The following AGPS variants were observed in gnomAD, a reference collection of about 807,000 sequenced individuals.
The protein encoded by AGPS is alkylglycerone phosphate synthase, also known as alkyldihydroxyacetonephosphate synthase, peroxisomal.
Under a neutral mutation model 90.7 loss-of-function variants are expected in AGPS, and 26 were observed. The observed-to-expected ratio is 0.29, with a 90% CI of 0.21 to 0.40. The LOEUF (loss-of-function observed/expected upper bound fraction) is 0.40. AGPS is among the 10% of genes least tolerant of loss of function. The pLI is 1.00. For missense variants in AGPS, 540 were observed against 816.1 expected (o/e 0.66, Z 4.12); for synonymous variants, 294 against 285.3 (o/e 1.03, Z -0.31).
intron 3 of AGPS, among the ~76,000 whole-genome samples, 182 bp downstream of exon 3, chr2:177,434,599 A>G (rs999525585): frequency 1.3e-5 from 2 of 152,224 alleles, no homozygotes; most frequent in Non-Finnish European, 2.9e-5. Flanking sequence ...TGTCACAGAT[A>G]TAGACCTTAG....
chr2:177,424,300 T>G (rs887526405), intron 2 of AGPS, among the ~76,000 whole-genome samples: 5 of 152,238 alleles, frequency 3.3e-5, no homozygotes, highest in Non-Finnish European at 7.3e-5. Context: ...TTGTGTTCCT[T>G]TCTATGGCTG....
rs572104215 is a variant in AGPS at position 177,514,477 on chromosome 2, T to G, written c.1697+569T>G. 2.6e-5 allele frequency among the ~76,000 whole-genome samples: 4 copies of G among 152,300 alleles called. No individual in the cohort carries two copies. The East Asian group carries it at 7.7e-4, about 29-fold the overall frequency. On this transcript the variant is annotated intron_variant, in intron 17 of 19. Coordinates refer to ENST00000264167, the MANE Select transcript of AGPS (RefSeq NM_003659.4). ...GGTAGATAATCCATACTAGTATTAGTAAGGAAAATTTGTATATTTCCCTTT... is the reference window on the plus strand; with the variant it reads ...GGTAGATAATCCATACTAGTATTAGGAAGGAAAATTTGTATATTTCCCTTT...
chr2:177,394,925 A>T (rs1240478705), intron 1 of AGPS, among the ~76,000 whole-genome samples: 1 of 152,168 alleles, frequency 6.6e-6, no homozygotes, highest in Non-Finnish European at 1.5e-5. Context: ...TGGGATTCTG[A>T]ACTAAGGCAT....
At chr2:177,415,033 A>G (rs1359907356) in intron 1 of AGPS, among the ~76,000 whole-genome samples, 5 of 151,918 alleles carry the variant, frequency 3.3e-5, no homozygotes, top group Non-Finnish European at 4.4e-5. Flanking sequence ...TAGTGTGTAT[A>G]TTTTTAATTC....
At chr2:177,490,214 A>G (rs571899063) in intron 11 of AGPS, among the ~76,000 whole-genome samples, 1 of 152,260 alleles carries the variant, frequency 6.6e-6, no homozygotes, top group African/African-American at 2.4e-5. Context: ...GGTAACTTTT[A>G]ATTATTTGAA....
intron 15 of AGPS, among the ~76,000 whole-genome samples, 200 bp from the exon 16 acceptor site, chr2:177,507,770 A>G (rs930071267): frequency 1.3e-5 from 2 of 152,260 alleles, no homozygotes; most frequent in African/African-American, 4.8e-5. Flanking sequence ...AGAATAAGAC[A>G]GACAAGGTTC....
chr2:177,402,930 G>A (rs191393351), intron 1 of AGPS, among the ~76,000 whole-genome samples: 38 of 152,208 alleles, frequency 2.5e-4, no homozygotes, highest in Admixed American at 2.3e-3. Flanking sequence ...GGTGGTGCAC[G>A]CCTGTAGTCC....
chr2:177,497,636 T>C, intron 12 of AGPS, 53 bp from the exon 13 acceptor site: 2 of 1,024,170 alleles, frequency 2.0e-6, no homozygotes, highest in Non-Finnish European at 2.8e-6. Context: ...AGCTTCTTGA[T>C]CTTCTGAAAA....
intron 2 of AGPS, among the ~76,000 whole-genome samples, chr2:177,430,431 G>A (rs535943413): frequency 1.4e-4 from 22 of 152,290 alleles, no homozygotes; most frequent in Middle Eastern, 3.4e-3. Context: ...GTGCGAGCCT[G>A]AGTGACTGTT....
At chr2:177,413,427 A>G (rs1419640932) in intron 1 of AGPS, among the ~76,000 whole-genome samples, 7 of 152,234 alleles carry the variant, frequency 4.6e-5, no homozygotes, top group Admixed American at 3.9e-4. Context: ...ATTGGTCAGT[A>G]TAATAAGCTT....
chr2:177,393,384 G>A, intron 1 of AGPS: 3 of 985,368 alleles, frequency 3.0e-6, no homozygotes, highest in Non-Finnish European at 3.6e-6. Context: ...TGGTGCTGAG[G>A]TCTTGGAATG....
intron 1 of AGPS, chr2:177,393,438 A>G: frequency 3.0e-6 from 3 of 985,404 alleles, no homozygotes; most frequent in African/African-American, 1.7e-5. Flanking sequence ...ATAAATTTGT[A>G]CTAGATGATA....
intron 10 of AGPS, among the ~76,000 whole-genome samples, chr2:177,480,236 C>T (rs919374099): frequency 2.6e-5 from 4 of 152,058 alleles, no homozygotes; most frequent in African/African-American, 9.7e-5. Flanking sequence ...GGTATATACC[C>T]AAAGGATTAT....
At chr2:177,438,569 CCA>C (rs1686491081) in intron 5 of AGPS, among the ~76,000 whole-genome samples, 1 of 152,032 alleles carries the variant, frequency 6.6e-6, no homozygotes, top group Non-Finnish European at 1.5e-5. Context: ...TTTTTTCATC[CCA>C]GTTTCCAAAT....
intron 2 of AGPS, among the ~76,000 whole-genome samples, chr2:177,424,405 T>C (rs1686019676): frequency 6.6e-6 from 1 of 152,184 alleles, no homozygotes; most frequent in Non-Finnish European, 1.5e-5. Context: ...CTATTGTGAA[T>C]TGTGCTGCAA....
chr2:177,414,061 G>A (rs1188014080), intron 1 of AGPS, among the ~76,000 whole-genome samples: 1 of 151,932 alleles, frequency 6.6e-6, no homozygotes, highest in African/African-American at 2.4e-5. Context: ...CTTGCCCCCC[G>A]CCCCTTTCCT....
chr2:177,522,348 A>G (rs1472541542), intron 18 of AGPS, among the ~76,000 whole-genome samples: 3 of 152,168 alleles, frequency 2.0e-5, no homozygotes, highest in Non-Finnish European at 4.4e-5. Flanking sequence ...TCTAAGTGCT[A>G]CTGATCTCAA....
At chr2:177,462,099 T>G in intron 9 of AGPS, 81 bp downstream of exon 9, 1 of 1,329,956 alleles carries the variant, frequency 7.5e-7, no homozygotes, top group Non-Finnish European at 1.0e-6. Flanking sequence ...CTTTAAAAAT[T>G]AAGAGTTGGG....
intron 16 of AGPS, among the ~76,000 whole-genome samples, chr2:177,511,443 C>G (rs1248310635): frequency 1.3e-5 from 2 of 151,772 alleles, no homozygotes; most frequent in African/African-American, 2.4e-5. Flanking sequence ...TGATTAAAAC[C>G]AAGAAAGTGG....
Sources: gnomAD v4.1 joint callset for allele counts (sites outside exome capture counted in the v4.1 genomes callset) on GRCh38, gnomAD v4.1.1 for gene constraint, MANE v1.5 for transcripts, NCBI Gene and HGNC (gene_info 2026-07-23, HGNC 2026-07-21) for gene names.